Variants in OTOG observed in about 807,000 individuals in gnomAD.
OTOG encodes otogelin.
OTOG carries 296 observed loss-of-function variants against 313.8 expected under a neutral mutation model. The ratio of observed to expected loss-of-function variants is 0.94; its 90% CI spans 0.86 to 1.04. The LOEUF is 1.04. OTOG is among the 50% of genes least tolerant of loss of function. The pLI is 0.00. For synonymous variants in OTOG, 1,533 were observed against 1,554.9 expected (o/e 0.99, Z 0.33); for missense variants, 3,948 against 3,840.1 (o/e 1.03, Z -0.74).
At chr11:17,635,734 GC>G in intron 47 of OTOG, 23 bp downstream of exon 47, 1 of 1,537,184 alleles carries the variant, frequency 6.5e-7, no homozygotes, top group Non-Finnish European at 8.8e-7. Flanking sequence ...TGGGCACATG[GC>G]GGGCTGCGGC....
At chr11:17,643,970 G>C (rs188515087) in intron 54 of OTOG, among the ~76,000 whole-genome samples, 18 of 152,164 alleles carry the variant, frequency 1.2e-4, no homozygotes, top group Non-Finnish European at 2.4e-4. Flanking sequence ...GTCCACTGTC[G>C]CCCAGGTACT....
At chr11:17,578,250 G>T in intron 22 of OTOG, 123 bp from the exon 23 acceptor site, 1 of 1,406,286 alleles carries the variant, frequency 7.1e-7, no homozygotes, top group Non-Finnish European at 9.2e-7. Flanking sequence ...ATGCCCAGGA[G>T]CGACCAGGGA....
At chr11:17,609,564 G>C (rs1273191306) in intron 35 of OTOG, 91 bp from the exon 36 acceptor site, 1 of 1,189,668 alleles carries the variant, frequency 8.4e-7, no homozygotes, top group African/African-American at 1.6e-5. Flanking sequence ...GAGAGTGCCA[G>C]TCCTCAAGCC....
At chr11:17,622,174 C>G (rs987501079) in intron 39 of OTOG, among the ~76,000 whole-genome samples, 1 of 152,152 alleles carries the variant, frequency 6.6e-6, no homozygotes, top group African/African-American at 2.4e-5. Context: ...GCTCCCTCTA[C>G]ATAATAGTTC....
chr11:17,638,815 C>A, intron 48 of OTOG: 1 of 1,434,342 alleles, frequency 7.0e-7, no homozygotes, highest in Non-Finnish European at 9.3e-7. Context: ...GTCCTTACTG[C>A]GGCCGGGCAC....
chr11:17,568,150 G>A lies in OTOG; in HGVS notation c.1645-1006G>A, dbSNP rs139600616. On this transcript the variant is annotated intron_variant, in intron 15 of 55. Transcript: ENST00000399397. ...TCTCGATCTCCTGACCTCGTGATCCGCCCACCTTGGCCTCCCAGAGTGCTG... is the reference window on the plus strand; with the variant it reads ...TCTCGATCTCCTGACCTCGTGATCCACCCACCTTGGCCTCCCAGAGTGCTG... Among the ~76,000 whole-genome samples the A allele has an allele frequency of 4.9e-3, 740 of 152,118 alleles. 2 individuals are homozygous for A. Among genetic ancestry groups the A allele is most frequent in the Non-Finnish European group, 7.9e-3 (535 of 68,006 alleles).
chr11:17,628,312 A>T (rs1460830356), intron 39 of OTOG, among the ~76,000 whole-genome samples: 1 of 151,908 alleles, frequency 6.6e-6, no homozygotes, highest in African/African-American at 2.4e-5. Context: ...TAATTTTTTT[A>T]TTGACCCACT....
chr11:17,589,464 T>C (rs977117445), intron 24 of OTOG, among the ~76,000 whole-genome samples: 2 of 152,176 alleles, frequency 1.3e-5, no homozygotes, highest in Non-Finnish European at 2.9e-5. Context: ...AGTGTCCGTG[T>C]TCCTATCTAA....
chr11:17,547,725 C>T (rs1308409498), intron 1 of OTOG, among the ~76,000 whole-genome samples: 1 of 151,908 alleles, frequency 6.6e-6, no homozygotes, highest in Non-Finnish European at 1.5e-5. Flanking sequence ...AGCTGGGGGC[C>T]AAAGACTGAG....
rs2134092487 is a variant in OTOG at position 17,611,151 on chromosome 11, G to A, written c.5851G>A (p.Gly1951Arg). The A allele has an allele frequency of 6.4e-7, 1 of 1,550,486 alleles. No homozygotes were observed. The highest frequency in any genetic ancestry group is 8.7e-7 in the Non-Finnish European group (1 of 1,146,956). Reference protein sequence around the residue: ...PLTPLVAEPEGAQAGTALPVP... With the variant: ...PLTPLVAEPERAQAGTALPVP... ...CACGCCCTTGGTGGCTGAGCCCGAG[G>A]GAGCCCAGGCAGGCACAGCTCTGCC... is the stretch of plus-strand genomic sequence containing the variant. Residue 1951 changes from glycine to arginine, a missense_variant, in exon 36 of 56, where the codon GGA becomes AGA. Coordinates refer to ENST00000399397, the MANE Select transcript of OTOG (RefSeq NM_001292063.2).
chr11:17,617,312 T>TACCTCACATAA (rs1218159994), intron 39 of OTOG, among the ~76,000 whole-genome samples: 77 of 152,324 alleles, frequency 5.1e-4, no homozygotes, highest in African/African-American at 1.6e-3. Context: ...AGAGTAATGC[T>TACCTCACATAA]GGCCTCACAT....
At chr11:17,620,305 T>C (rs1387046147) in intron 39 of OTOG, among the ~76,000 whole-genome samples, 1 of 152,238 alleles carries the variant, frequency 6.6e-6, no homozygotes, top group Non-Finnish European at 1.5e-5. Flanking sequence ...TGGATTTACC[T>C]ATTCTGAATA....
rs575979472 is a variant in OTOG, at chr11:17,583,080, T to C, written c.2760-3394T>C. Among the ~76,000 whole-genome samples the C allele has an allele frequency of 1.1e-3, 173 of 152,054 alleles. 1 individual carries two copies. The highest frequency in any genetic ancestry group is 4.1e-3 in the African/African-American group (169 of 41,562). On this transcript the variant is annotated intron_variant, in intron 23 of 55. Coordinates refer to ENST00000399397, the MANE Select transcript of OTOG (RefSeq NM_001292063.2). ...TCAAGGTTGCAAAGATATTCTCCTA[T>C]GTTTTTTTCTAGGAGCTTTACAATT...
chr11:17,570,291 G>C lies in OTOG; in HGVS notation c.1856G>C (p.Arg619Pro), dbSNP rs767103961. 2 of 1,550,814 alleles carry C rather than the reference G, an allele frequency of 1.3e-6. No homozygotes were observed. The highest frequency in any genetic ancestry group is 8.7e-7 in the Non-Finnish European group (1 of 1,147,036). Residue 619 changes from arginine to proline, a missense_variant, in exon 17 of 56, where the codon CGT becomes CCT. Arg to Pro is a moderately radical substitution (Grantham distance 103). Transcript: ENST00000399397. ...GTGGGCGTGCGGGTGCTCTACGACC[G>C]TGAAGGGCTCCGACTGTACCTGCAA... ...TNVGVRVLYD[R>P]EGLRLYLQVD...
Position 17,573,239 on chromosome 11 carries a change from T to G in OTOG, c.2242T>G (p.Cys748Gly), listed in dbSNP as rs1565098773. Residue 748 changes from cysteine (C) to glycine (G), a missense_variant, in exon 19 of 56, where the codon TGC becomes GGC. Transcript: ENST00000399397. ...CACACTGGCCCACTACGCCCACCTGTGCCGGCGCCATGGGCTCCCCGTTGA... is the reference window on the plus strand; with the variant it reads ...CACACTGGCCCACTACGCCCACCTGGGCCGGCGCCATGGGCTCCCCGTTGA... The part of the protein sequence containing the change: ...CATLAHYAHL[C>G]RRHGLPVDFR... 2.0e-6 allele frequency: 3 copies of G among 1,533,982 alleles called. No individual in the cohort carries two copies. Among genetic ancestry groups the G allele is most frequent in the Non-Finnish European group, 2.6e-6 (3 of 1,144,804 alleles).
chr11:17,623,767 A>G (rs1478204872), intron 39 of OTOG, among the ~76,000 whole-genome samples: 1 of 152,122 alleles, frequency 6.6e-6, no homozygotes, highest in African/African-American at 2.4e-5. Flanking sequence ...CTCACCAACA[A>G]TGTGTAAGTG....
chr11:17,587,511 C>T (rs1466875347), intron 24 of OTOG, among the ~76,000 whole-genome samples: 4 of 152,232 alleles, frequency 2.6e-5, no homozygotes, highest in Non-Finnish European at 5.9e-5. Context: ...CAGAGAGGTT[C>T]TATCTCAGAG....
chr11:17,591,179 T>C (rs528004002), intron 24 of OTOG, among the ~76,000 whole-genome samples: 1 of 152,280 alleles, frequency 6.6e-6, no homozygotes, highest in East Asian at 1.9e-4. Context: ...AATGGAGTGG[T>C]AAAGGGAGTG....
rs1195526348 is a variant in OTOG, at chr11:17,634,172, C to G, written c.7371C>G (p.Val2457=). 2 of 1,550,170 alleles carry G rather than the reference C, an allele frequency of 1.3e-6. No homozygotes were observed. Among genetic ancestry groups the G allele is most frequent in the African/African-American group, 2.7e-5 (2 of 73,036 alleles). ...AGTGCCAAGCCCCAGACACCATTGT[C>G]CCGGTGGATCTGGGCTGCCCCAGTC... is the stretch of plus-strand genomic sequence containing the variant. The part of the protein sequence containing the change: ...QHQCQAPDTI[V]PVDLGCPSPR... The change falls in exon 44 of 56, where the codon GTC becomes GTG. Residue 2457 remains valine, a synonymous_variant. Transcript: ENST00000399397.
Sources: allele counts gnomAD v4.1 joint callset (sites outside exome capture counted in the v4.1 genomes callset), GRCh38; gene constraint gnomAD v4.1.1; transcripts MANE v1.5; gene names NCBI Gene and HGNC (gene_info 2026-07-23, HGNC 2026-07-21).